The following MYO3A variants were observed in gnomAD, a reference collection of about 807,000 sequenced individuals.
MYO3A encodes myosin IIIA.
In MYO3A, 180 loss-of-function variants were observed where a neutral mutation model predicts 192.7. The ratio of observed to expected loss-of-function variants is 0.93; its 90% CI spans 0.83 to 1.06. The LOEUF (loss-of-function observed/expected upper bound fraction) is 1.06. MYO3A is among the 50% of genes least tolerant of loss of function. The pLI is 0.00. For missense variants in MYO3A, 1,896 were observed against 1,905.0 expected, an observed-to-expected ratio of 1.00 and a Z score of 0.09; for synonymous variants, 628 against 645.3, an observed-to-expected ratio of 0.97 and a Z score of 0.41.
intron 17 of MYO3A, 137 bp downstream of exon 17, chr10:26,096,819 G>T: frequency 1.6e-6 from 1 of 644,416 alleles, no homozygotes; most frequent in East Asian, 2.9e-5. Flanking sequence ...GAAATAACTG[G>T]AAATATAATA....
chr10:25,975,901 G>A (rs1838937225), intron 4 of MYO3A, among the ~76,000 whole-genome samples: 1 of 152,156 alleles, frequency 6.6e-6, no homozygotes, highest in Admixed American at 6.5e-5. Flanking sequence ...AGCACACTAG[G>A]AATAGTGGGA....
In MYO3A at chr10:26,125,421, G is replaced by A; in HGVS notation, c.1927G>A (p.Ala643Thr). Residue 643 changes from alanine (A) to threonine (T), a missense_variant, in exon 19 of 35, where the codon GCA becomes ACA. Transcript: ENST00000642920. ...ENCASLLCIR[A>T]DELQEALTSH... Reference sequence around the variant, plus strand: ...AGGTGCTTCTTTGCTTTGCATTCGGGCAGATGAGCTACAAGAAGCTCTCAC... The same window carrying A: ...AGGTGCTTCTTTGCTTTGCATTCGGACAGATGAGCTACAAGAAGCTCTCAC... The A allele has an allele frequency of 6.2e-7, 1 of 1,614,000 alleles. No homozygotes were observed. The highest frequency in any genetic ancestry group is 8.5e-7 in the Non-Finnish European group (1 of 1,179,924).
chr10:26,157,403 T>C lies in MYO3A; in HGVS notation c.2887T>C (p.Tyr963His). 1 of 1,614,058 alleles carries C rather than the reference T, an allele frequency of 6.2e-7. No individual in the cohort carries two copies. The highest frequency in any genetic ancestry group is 8.5e-7 in the Non-Finnish European group (1 of 1,179,972). The change falls in exon 26 of 35, where the codon TAT becomes CAT. Residue 963 changes from tyrosine to histidine, a missense_variant. Tyr to His is a moderately conservative substitution (Grantham distance 83, BLOSUM62 2). Coordinates refer to ENST00000642920, the MANE Select transcript of MYO3A (RefSeq NM_017433.5). ...AAATAGTGAGCGTCAGGCAAGAAAATATGACAAAGAGAAAGTTCTGCTACA... is the reference window on the plus strand; with the variant it reads ...AAATAGTGAGCGTCAGGCAAGAAAACATGACAAAGAGAAAGTTCTGCTACA... ...KPNSERQARK[Y>H]DKEKVLLQLR...
intron 8 of MYO3A, 66 bp downstream of exon 8, chr10:26,021,714 C>T: frequency 1.3e-6 from 2 of 1,583,430 alleles, no homozygotes; most frequent in Non-Finnish European, 1.7e-6. Context: ...ACCAAGTGTT[C>T]ATCATGCTCT....
chr10:26,014,239 G>T (rs562771400), intron 6 of MYO3A, among the ~76,000 whole-genome samples: 5 of 152,094 alleles, frequency 3.3e-5, no homozygotes, highest in South Asian at 2.1e-4. Context: ...ATTCATTCAT[G>T]TAACAAATAA....
intron 2 of MYO3A, among the ~76,000 whole-genome samples, chr10:25,942,143 A>G (rs919292152): frequency 3.3e-5 from 5 of 151,964 alleles, no homozygotes; most frequent in African/African-American, 1.2e-4. Context: ...CTGGGACTAC[A>G]GGCATATGCC....
Position 26,070,214 on chromosome 10 carries a change from A to T in MYO3A, c.1274A>T (p.Gln425Leu). 1 of 1,604,912 alleles carries T rather than the reference A, an allele frequency of 6.2e-7. No homozygotes were observed. The highest frequency in any genetic ancestry group is 1.3e-5 in the African/African-American group (1 of 74,864). ...YQSMITYNSD[Q>L]CIVISGESGA... ...TCTATGATAACATATAATTCAGATC[A>T]GGTAAGAAGAGTCTCCCATTCTTAG... Residue 425 changes from glutamine (Q) to leucine (L), a missense_variant and splice_region_variant, in exon 13 of 35, where the codon CAG (glutamine) becomes CTG (leucine). Physicochemically the swap from Gln to Leu is moderately radical, Grantham distance 113. Transcript: ENST00000642920.
intron 14 of MYO3A, among the ~76,000 whole-genome samples, chr10:26,072,872 C>T (rs149053521): frequency 7.9e-5 from 12 of 152,240 alleles, no homozygotes; most frequent in African/African-American, 2.9e-4. Context: ...TGCTTATTCA[C>T]ACGAAATGAA....
chr10:25,960,271 T>C (rs1314792054), intron 4 of MYO3A, among the ~76,000 whole-genome samples: 1 of 152,156 alleles, frequency 6.6e-6, no homozygotes, highest in Non-Finnish European at 1.5e-5. Flanking sequence ...TCAAAATGTA[T>C]AATAGTATTT....
rs764499670 is a variant in MYO3A, at chr10:26,147,544, C to A, written c.2620C>A (p.Pro874Thr). 150 of 1,613,834 alleles carry A rather than the reference C, an allele frequency of 9.3e-5. No homozygotes were observed. The highest frequency in any genetic ancestry group is 2.5e-6 in the Non-Finnish European group (3 of 1,179,940). The part of the protein sequence containing the change: ...NSVIRQLVNH[P>T]LTKTGNLPHS... ...TGTAATTAGGCAACTAGTCAACCAC[C>A]CTCTGACCAAAACAGGTAAGACAAT... The change falls in exon 23 of 35, where the codon CCT becomes ACT. Residue 874 changes from proline to threonine, a missense_variant. Coordinates refer to ENST00000642920, the MANE Select transcript of MYO3A (RefSeq NM_017433.5).
intron 17 of MYO3A, among the ~76,000 whole-genome samples, chr10:26,111,213 C>T (rs1838157177): frequency 1.3e-5 from 2 of 152,104 alleles, no homozygotes; most frequent in Admixed American, 1.3e-4. Flanking sequence ...ATGGCTTCAA[C>T]TCTGGAAGAG....
intron 4 of MYO3A, among the ~76,000 whole-genome samples, chr10:25,971,625 T>C (rs1838650262): frequency 6.6e-6 from 1 of 152,196 alleles, no homozygotes; most frequent in African/African-American, 2.4e-5. Flanking sequence ...ATGATAGTCT[T>C]AGTAAGGTAT....
chr10:25,936,745 AC>A (rs1478307661), intron 2 of MYO3A, among the ~76,000 whole-genome samples: 2 of 152,196 alleles, frequency 1.3e-5, no homozygotes, highest in Admixed American at 1.3e-4. Context: ...AAACATTATG[AC>A]CTTAAAAACT....
intron 10 of MYO3A, among the ~76,000 whole-genome samples, chr10:26,027,417 T>C (rs1041292125): frequency 6.6e-6 from 1 of 152,158 alleles, no homozygotes; most frequent in Non-Finnish European, 1.5e-5. Context: ...CCATCTCTGA[T>C]CACTGTAGCC....
chr10:26,147,887 C>G (rs903720055), intron 23 of MYO3A, among the ~76,000 whole-genome samples: 1 of 152,094 alleles, frequency 6.6e-6, no homozygotes, highest in African/African-American at 2.4e-5. Flanking sequence ...TTGGATGATT[C>G]TTTGAGGTTC....
chr10:26,115,611 A>G (rs1838454022), intron 17 of MYO3A, among the ~76,000 whole-genome samples: 3 of 152,164 alleles, frequency 2.0e-5, no homozygotes, highest in Admixed American at 1.3e-4. Flanking sequence ...TTCTTTATTC[A>G]TTTAACTCAT....
chr10:26,047,410 GT>G (rs34344282), intron 10 of MYO3A, among the ~76,000 whole-genome samples: 1 of 152,248 alleles, frequency 6.6e-6, no homozygotes, highest in East Asian at 1.9e-4. Context: ...AAGTTTTTGT[GT>G]TTTTTCCTTC....
Position 26,176,773 on chromosome 10 carries a change from A to G in MYO3A, c.4366A>G (p.Lys1456Glu). 4 of 1,613,474 alleles carry G rather than the reference A, an allele frequency of 2.5e-6. No individual in the cohort carries two copies. The highest frequency in any genetic ancestry group is 3.4e-6 in the Non-Finnish European group (4 of 1,179,356). ...TGAAATGATTTTGTCACAGCAACTG[A>G]AGTCACTTTATCTGGGTGTCTCGCA... ...LNEMILSQQL[K>E]SLYLGVSHHK... Residue 1456 changes from lysine to glutamate, a missense_variant, in exon 31 of 35, where the codon AAG (lysine) becomes GAG (glutamate). Transcript: ENST00000642920.
intron 6 of MYO3A, among the ~76,000 whole-genome samples, chr10:26,012,874 A>G (rs1053540213): frequency 1.6e-4 from 24 of 152,222 alleles, no homozygotes; most frequent in African/African-American, 5.8e-4. Flanking sequence ...ACTTCAAATT[A>G]TACTACAAGG....
Sources: gnomAD v4.1 joint callset for allele counts (sites outside exome capture counted in the v4.1 genomes callset) on GRCh38, gnomAD v4.1.1 for gene constraint, MANE v1.5 for transcripts, NCBI Gene and HGNC (gene_info 2026-07-23, HGNC 2026-07-21) for gene names.